The following TM9SF4 variants were observed in gnomAD, a reference collection of about 807,000 sequenced individuals.
TM9SF4 encodes dinucleotide oxidase disulfide thiol exchanger 3 superfamily member 4.
In TM9SF4, 26 loss-of-function variants were observed where a neutral mutation model predicts 90.4. The ratio of observed to expected loss-of-function variants is 0.29; its 90% CI spans 0.21 to 0.40. The LOEUF is 0.40. Ranked by LOEUF, TM9SF4 falls within the 10% of genes least tolerant of loss-of-function variation. The probability of loss-of-function intolerance (pLI) is 1.00; values close to 1 mark genes in which losing one functional copy is unlikely to be tolerated. For missense variants in TM9SF4, 549 were observed against 834.8 expected (o/e 0.66, Z 4.22); for synonymous variants, 293 against 315.4 (o/e 0.93, Z 0.75).
intron 17 of TM9SF4, among the ~76,000 whole-genome samples, chr20:32,164,133 G>A (rs1324184169): frequency 1.3e-5 from 2 of 152,110 alleles, no homozygotes; most frequent in Non-Finnish European, 2.9e-5. Flanking sequence ...TTCTGGCTCT[G>A]CCTCTTTGCC....
intron 17 of TM9SF4, among the ~76,000 whole-genome samples, chr20:32,164,721 T>C (rs1231422109): frequency 6.6e-6 from 1 of 152,186 alleles, no homozygotes. Context: ...CATATCTTGA[T>C]ACCAAGGTTC....
intron 3 of TM9SF4, among the ~76,000 whole-genome samples, chr20:32,140,403 C>A (rs2046655247): frequency 6.6e-6 from 1 of 152,206 alleles, no homozygotes. Context: ...ACTCCCCTCC[C>A]TGCTGGAACC....
At position 32,161,330 on chromosome 20, in the gene TM9SF4, G is replaced by A. The variant is rs759232874; in HGVS notation, c.1744G>A (p.Val582Ile). ...AGTCTCCGGGGGCTCTGCATTCTAC[G>A]TCCTGGTTTATGCCATCTTTTATTT... ...FLVSGGSAFY[V>I]LVYAIFYFVN... The change falls in exon 17 of 18, where the codon GTC becomes ATC. Residue 582 changes from valine (V) to isoleucine (I), a missense_variant. Coordinates refer to ENST00000398022, the MANE Select transcript of TM9SF4 (RefSeq NM_014742.4). The A allele has an allele frequency of 6.8e-6, 11 of 1,613,918 alleles. No individual in the cohort carries two copies. The Admixed American group carries it at 8.3e-5, about 12-fold the overall frequency.
intron 13 of TM9SF4, among the ~76,000 whole-genome samples, chr20:32,156,942 C>T (rs8114024): frequency 8.9e-4 from 92 of 103,414 alleles, no homozygotes; most frequent in African/African-American, 1.4e-3. Context: ...TGGACATTTT[C>T]TTTTTTTTTT....
chr20:32,109,792 G>A (rs1196605313), intron 1 of TM9SF4, 37 bp downstream of exon 1: 1 of 1,551,404 alleles, frequency 6.4e-7, no homozygotes, highest in Non-Finnish European at 8.7e-7. Flanking sequence ...GAGCTGGAGC[G>A]GGGCCCTCCG....
Position 32,134,590 on chromosome 20 carries a change from G to A in TM9SF4, c.129+1464G>A, listed in dbSNP as rs574168781. ...GCATTTCTCTGCACAAATAGTTATC[G>A]AATATGAGGTACTGTCCAGACCCAG... is the stretch of plus-strand genomic sequence containing the variant. On this transcript the variant is annotated intron_variant, in intron 2 of 17. Transcript: ENST00000398022. Among the ~76,000 whole-genome samples, 9 of 151,966 alleles carry A rather than the reference G, an allele frequency of 5.9e-5. No homozygotes were observed. The South Asian group carries it at 1.0e-3, about 18-fold the overall frequency.
chr20:32,141,700 C>A, intron 4 of TM9SF4, 35 bp downstream of exon 4: 2 of 1,613,304 alleles, frequency 1.2e-6, no homozygotes, highest in South Asian at 1.1e-5. Flanking sequence ...GCCTCAGGCT[C>A]ACACAGGGGA....
chr20:32,150,271 T>TAATCACC (rs761240836), intron 10 of TM9SF4, among the ~76,000 whole-genome samples: 7 of 152,120 alleles, frequency 4.6e-5, no homozygotes, highest in Non-Finnish European at 5.9e-5. Flanking sequence ...ATAGGGAAAG[T>TAATCACC]AATCACCCTG....
intron 15 of TM9SF4, among the ~76,000 whole-genome samples, chr20:32,158,725 G>A (rs2046968908): frequency 6.6e-6 from 1 of 152,188 alleles, no homozygotes; most frequent in South Asian, 2.1e-4. Context: ...GCTCACACCT[G>A]TAATTTCAGC....
At chr20:32,119,504 CTT>C (rs1277699688) in intron 1 of TM9SF4, among the ~76,000 whole-genome samples, 1 of 151,492 alleles carries the variant, frequency 6.6e-6, no homozygotes, top group Non-Finnish European at 1.5e-5. Flanking sequence ...GTACAAATCT[CTT>C]GTCCATTTTT....
intron 3 of TM9SF4, 129 bp from the exon 4 acceptor site, chr20:32,141,368 C>A: frequency 9.0e-7 from 1 of 1,115,108 alleles, no homozygotes; most frequent in Non-Finnish European, 1.3e-6. Flanking sequence ...GCATTGGCTG[C>A]CAGGCTGAGG....
intron 1 of TM9SF4, among the ~76,000 whole-genome samples, chr20:32,127,894 C>G (rs6121352): frequency 0.69 from 104,812 of 152,148 alleles, 37,860 homozygotes; most frequent in East Asian, 0.99. Flanking sequence ...TTCAAATCAC[C>G]TATCAGATGA....
At chr20:32,136,027 C>T in intron 2 of TM9SF4, 47 bp from the exon 3 acceptor site, 1 of 1,546,464 alleles carries the variant, frequency 6.5e-7, no homozygotes. Flanking sequence ...TGTGTGGGTA[C>T]CAGGGAGGAT....
At chr20:32,109,789 A>G (rs1349990651) in intron 1 of TM9SF4, 34 bp downstream of exon 1, 4 of 1,551,474 alleles carry the variant, frequency 2.6e-6, no homozygotes, top group Non-Finnish European at 3.5e-6. Flanking sequence ...CGGGAGCTGG[A>G]GCGGGGCCCT....
chr20:32,150,431 C>T (rs936808713), intron 10 of TM9SF4, among the ~76,000 whole-genome samples, 191 bp from the exon 11 acceptor site: 9 of 152,228 alleles, frequency 5.9e-5, no homozygotes, highest in African/African-American at 1.9e-4. Context: ...CGAACCCCAA[C>T]TAAGACCCAG....
Position 32,150,869 on chromosome 20 carries a change from C to T in TM9SF4, c.1239C>T (p.Ala413=), listed in dbSNP as rs1212685320. The T allele has an allele frequency of 6.2e-7, 1 of 1,614,056 alleles. No homozygotes were observed. Among genetic ancestry groups the T allele is most frequent in the Non-Finnish European group, 8.5e-7 (1 of 1,180,032 alleles). The part of the protein sequence containing the change: ...TLKGHRWKKG[A]FCTATLYPGV... ...AAGGCCATCGGTGGAAGAAAGGAGC[C>T]TTCTGTGTGAGTGTCCTAAACCTTC... The change falls in exon 12 of 18, where the codon GCC becomes GCT. Residue 413 remains alanine, a synonymous_variant. Coordinates refer to ENST00000398022, the MANE Select transcript of TM9SF4 (RefSeq NM_014742.4).
rs557479367 is a variant in TM9SF4 at position 32,154,495 on chromosome 20, G to A, written c.1246-608G>A. On this transcript the variant is annotated intron_variant, in intron 12 of 17. Transcript: ENST00000398022. ...TTGAGACGGAATCTCGCTCTGTCGC[G>A]CAGGCTGGAGTGCAGTGGCACGATC... Among the ~76,000 whole-genome samples, 49 of 147,464 alleles carry A rather than the reference G, an allele frequency of 3.3e-4. 1 individual carries two copies. Among genetic ancestry groups the A allele is most frequent in the Non-Finnish European group, 2.5e-4 (17 of 67,042 alleles).
intron 17 of TM9SF4, 129 bp from the exon 18 acceptor site, chr20:32,165,166 C>T: frequency 5.6e-6 from 7 of 1,248,758 alleles, no homozygotes; most frequent in East Asian, 2.3e-5. Flanking sequence ...GCTTGCCACC[C>T]ACTGGAGCAC....
At chr20:32,146,580 C>G (rs2046765762) in intron 8 of TM9SF4, among the ~76,000 whole-genome samples, 1 of 152,146 alleles carries the variant, frequency 6.6e-6, no homozygotes, top group South Asian at 2.1e-4. Flanking sequence ...TCCTCCCCAC[C>G]TCCATGCTCT....
Sources: allele counts gnomAD v4.1 joint callset (sites outside exome capture counted in the v4.1 genomes callset), GRCh38; gene constraint gnomAD v4.1.1; transcripts MANE v1.5; gene names NCBI Gene and HGNC (gene_info 2026-07-23, HGNC 2026-07-21).